The following LRFN5 variants were observed in gnomAD, a reference collection of about 807,000 sequenced individuals.
LRFN5 encodes leucine-rich repeat and fibronectin type-III domain-containing protein 5.
A neutral mutation model predicts 45.6 loss-of-function variants in LRFN5; 24 were observed. That is an observed-to-expected ratio of 0.53 (90% CI 0.38 to 0.74). The LOEUF (loss-of-function observed/expected upper bound fraction) is 0.74. LRFN5 is among the 30% of genes least tolerant of loss of function. The pLI is 0.00. For missense variants in LRFN5, 776 were observed against 861.5 expected, an observed-to-expected ratio of 0.90 and a Z score of 1.24; for synonymous variants, 340 against 313.8, an observed-to-expected ratio of 1.08 and a Z score of -0.88.
intron 1 of LRFN5, among the ~76,000 whole-genome samples, chr14:41,678,773 C>T (rs1454458087): frequency 6.6e-6 from 1 of 152,072 alleles, no homozygotes; most frequent in East Asian, 1.9e-4. Flanking sequence ...AAGAAAGCAC[C>T]TTCTAAAAAC....
At chr14:41,863,010 G>A (rs1034685467) in intron 2 of LRFN5, among the ~76,000 whole-genome samples, 4 of 151,550 alleles carry the variant, frequency 2.6e-5, no homozygotes, top group Non-Finnish European at 4.4e-5. Context: ...GACTACAGGC[G>A]CCCGCCATGA....
intron 1 of LRFN5, among the ~76,000 whole-genome samples, chr14:41,615,770 A>G (rs1466250624): frequency 2.0e-5 from 3 of 151,854 alleles, no homozygotes; most frequent in African/African-American, 7.3e-5. Flanking sequence ...TAACATATAT[A>G]CCTCTTTTTT....
chr14:41,665,532 G>A (rs1157261611), intron 1 of LRFN5, among the ~76,000 whole-genome samples: 6 of 151,896 alleles, frequency 4.0e-5, no homozygotes, highest in East Asian at 1.9e-4. Context: ...ATATGGGTAC[G>A]AAATTATAAT....
At chr14:41,632,423 G>A (rs1888572144) in intron 1 of LRFN5, among the ~76,000 whole-genome samples, 1 of 152,122 alleles carries the variant, frequency 6.6e-6, no homozygotes, top group African/African-American at 2.4e-5. Context: ...GGCCAACATG[G>A]TGAAACCCCA....
chr14:41,760,941 C>T (rs1039978057), intron 1 of LRFN5, among the ~76,000 whole-genome samples: 1 of 152,032 alleles, frequency 6.6e-6, no homozygotes, highest in Non-Finnish European at 1.5e-5. Context: ...ACAGTAAGCC[C>T]CAATGTCCAT....
chr14:41,848,310 A>G (rs1889140722), intron 2 of LRFN5, among the ~76,000 whole-genome samples: 1 of 152,136 alleles, frequency 6.6e-6, no homozygotes, highest in Admixed American at 6.6e-5. Flanking sequence ...AGCTTTCCTC[A>G]TACACAGCAA....
At chr14:41,881,553 C>T (rs940129157) in intron 2 of LRFN5, among the ~76,000 whole-genome samples, 1 of 151,898 alleles carries the variant, frequency 6.6e-6, no homozygotes, top group South Asian at 2.1e-4. Flanking sequence ...ATATCATCAA[C>T]TCTGGAATCT....
At chr14:41,874,221 C>A (rs1221856222) in intron 2 of LRFN5, among the ~76,000 whole-genome samples, 8 of 152,056 alleles carry the variant, frequency 5.3e-5, no homozygotes, top group Admixed American at 6.6e-5. Context: ...ACCATTGAAG[C>A]CTAATTATCC....
intron 2 of LRFN5, among the ~76,000 whole-genome samples, chr14:41,851,860 C>A (rs1028141695): frequency 6.6e-6 from 1 of 151,632 alleles, no homozygotes. Context: ...TCTGTTTGGT[C>A]TGTGGCACTT....
chr14:41,801,427 G>A (rs1039271016), intron 2 of LRFN5, among the ~76,000 whole-genome samples: 13 of 152,056 alleles, frequency 8.5e-5, no homozygotes, highest in Non-Finnish European at 1.2e-4. Flanking sequence ...AGAACTTTTA[G>A]TCATCATGCC....
intron 1 of LRFN5, among the ~76,000 whole-genome samples, chr14:41,666,371 G>A (rs1161961032): frequency 1.3e-5 from 2 of 151,916 alleles, no homozygotes; most frequent in Non-Finnish European, 2.9e-5. Context: ...TTCAGCAACG[G>A]AAATGGATAT....
At chr14:41,811,743 A>C (rs1887743629) in intron 2 of LRFN5, among the ~76,000 whole-genome samples, 1 of 152,078 alleles carries the variant, frequency 6.6e-6, no homozygotes, top group Non-Finnish European at 1.5e-5. Context: ...ACTAGTGCTT[A>C]CTTAGGACTT....
At chr14:41,880,016 C>A (rs1890321368) in intron 2 of LRFN5, among the ~76,000 whole-genome samples, 1 of 148,734 alleles carries the variant, frequency 6.7e-6, no homozygotes, top group Admixed American at 6.8e-5. Context: ...CAAGCTCTGC[C>A]TCCTGGGTTC....
intron 2 of LRFN5, among the ~76,000 whole-genome samples, chr14:41,784,631 TTGTGTG>T (rs34858248): frequency 1.3e-5 from 2 of 150,622 alleles, no homozygotes; most frequent in African/African-American, 2.4e-5. Flanking sequence ...GTGTGTGTGT[TTGTGTG>T]TGTGTGTGTG....
chr14:41,801,764 T>C (rs547584653), intron 2 of LRFN5, among the ~76,000 whole-genome samples: 195 of 152,306 alleles, frequency 1.3e-3, no homozygotes, highest in African/African-American at 4.5e-3. Context: ...CTGCATAAAT[T>C]GCTCTTCTGA....
intron 2 of LRFN5, among the ~76,000 whole-genome samples, chr14:41,784,920 T>G (rs953108064): frequency 1.3e-4 from 20 of 152,086 alleles, no homozygotes; most frequent in Non-Finnish European, 2.2e-4. Context: ...TGAGCCACCT[T>G]GCCTGGCCCT....
At chr14:41,774,862 A>G (rs1886219888) in intron 2 of LRFN5, among the ~76,000 whole-genome samples, 1 of 152,086 alleles carries the variant, frequency 6.6e-6, no homozygotes, top group Admixed American at 6.5e-5. Flanking sequence ...GCTAACAATA[A>G]CCTCTTTCAT....
intron 2 of LRFN5, among the ~76,000 whole-genome samples, chr14:41,883,458 G>A (rs527469938): frequency 1.3e-5 from 2 of 152,182 alleles, no homozygotes; most frequent in East Asian, 1.9e-4. Context: ...TTTTCCTTCA[G>A]CCTAAAGACA....
chr14:41,815,603 C>G (rs535004344), intron 2 of LRFN5, among the ~76,000 whole-genome samples: 1 of 151,878 alleles, frequency 6.6e-6, no homozygotes, highest in African/African-American at 2.4e-5. Context: ...CCAGGTGTGG[C>G]GGTGCATGCC....
Sources: allele counts gnomAD v4.1 joint callset (sites outside exome capture counted in the v4.1 genomes callset), GRCh38; gene constraint gnomAD v4.1.1; transcripts MANE v1.5; gene names NCBI Gene and HGNC (gene_info 2026-07-23, HGNC 2026-07-21).